Variants in SLCO5A1 observed in about 807,000 individuals in gnomAD.
SLCO5A1 encodes the protein organic anion transporter polypeptide-related protein 4.
Under a neutral mutation model 65.1 loss-of-function variants are expected in SLCO5A1, and 39 were observed. The observed-to-expected ratio is 0.60, with a 90% CI of 0.46 to 0.78. The LOEUF (loss-of-function observed/expected upper bound fraction) is 0.78, where lower values mean the gene tolerates loss of function less well. SLCO5A1 is among the 30% of genes least tolerant of loss of function. The pLI is 0.00. For synonymous variants in SLCO5A1, 438 were observed against 415.7 expected (o/e 1.05, Z -0.65); for missense variants, 1,029 against 1,069.4 (o/e 0.96, Z 0.53).
chr8:69,686,257 T>C (rs1441609812), intron 6 of SLCO5A1, among the ~76,000 whole-genome samples: 1 of 129,824 alleles, frequency 7.7e-6, no homozygotes, highest in African/African-American at 3.2e-5. Context: ...AAGACCTCTT[T>C]AGCAAAATAT....
intron 2 of SLCO5A1, among the ~76,000 whole-genome samples, chr8:69,784,805 G>GAAATAA: frequency 1.3e-5 from 1 of 76,040 alleles, no homozygotes; most frequent in East Asian, 3.3e-4. Flanking sequence ...AAGAAAGAAA[G>GAAATAA]AAAGAAAAAG....
rs1813253771 is a variant in SLCO5A1 at position 69,668,814 on chromosome 8, G to T, written c.*4055C>A. The T allele has an allele frequency of 6.6e-6, 1 of 151,904 alleles. No homozygotes were observed. The highest frequency in any genetic ancestry group is 1.5e-5 in the Non-Finnish European group (1 of 67,990). 9.4% of individuals were successfully genotyped at this position (151,904 alleles called of 1,614,324 possible). A position where few individuals can be genotyped will look rare whatever the true frequency, so the allele number is the denominator to read the frequency against. On this transcript the variant is annotated 3_prime_UTR_variant, in exon 10 of 10. Transcript: ENST00000260126. ...CCATGTAACTCCCCCTTCTCTGAAG[G>T]CTGACATTTCCAAGTGCATGCCACT...
chr8:69,677,938 C>T (rs950847092), intron 8 of SLCO5A1, among the ~76,000 whole-genome samples: 3 of 152,150 alleles, frequency 2.0e-5, no homozygotes, highest in Admixed American at 1.3e-4. Flanking sequence ...CCCTGCACTG[C>T]ACCCCCTAAT....
chr8:69,712,501 A>C (rs1476636814), intron 5 of SLCO5A1, among the ~76,000 whole-genome samples: 2 of 152,220 alleles, frequency 1.3e-5, no homozygotes, highest in African/African-American at 4.8e-5. Flanking sequence ...CATGATTTGG[A>C]GCACAGGAAA....
intron 4 of SLCO5A1, among the ~76,000 whole-genome samples, chr8:69,751,153 A>G (rs1157807467): frequency 6.6e-6 from 1 of 152,234 alleles, no homozygotes; most frequent in East Asian, 1.9e-4. Flanking sequence ...AGAAAGTAAA[A>G]TCATTCTTAT....
chr8:69,826,541 C>T lies in SLCO5A1; in HGVS notation c.907+5226G>A, dbSNP rs1393334688. On this transcript the variant is annotated intron_variant, in intron 2 of 9. Coordinates refer to ENST00000260126, the MANE Select transcript of SLCO5A1 (RefSeq NM_030958.3). The stretch of plus-strand genomic sequence containing the variant: ...AAACACACGAAAAAATGCTCACCAT[C>T]ACTGGCCATCAGAGAAATGCAAATC... Among the ~76,000 whole-genome samples, 49 of 152,282 alleles carry T rather than the reference C, an allele frequency of 3.2e-4. No homozygotes were observed. In the Middle Eastern group the frequency reaches 0.01, roughly 32 times the overall value.
chr8:69,685,652 G>C (rs1470871174), intron 6 of SLCO5A1, among the ~76,000 whole-genome samples: 1 of 152,068 alleles, frequency 6.6e-6, no homozygotes, highest in Non-Finnish European at 1.5e-5. Flanking sequence ...AAAAATCATG[G>C]AATTACAGAG....
chr8:69,673,308 A>T lies in SLCO5A1; in HGVS notation c.2108T>A (p.Ile703Asn). The T allele has an allele frequency of 6.2e-7, 1 of 1,613,786 alleles. No individual in the cohort carries two copies. The highest frequency in any genetic ancestry group is 8.5e-7 in the Non-Finnish European group (1 of 1,179,702). ...LRTLAYIPTP[I>N]YFGAVIDTTC... ...GGTGTCAATGACTGCTCCAAAGTAG[A>T]TTGGAGTAGGAATGTATGCTAGAGG... Residue 703 changes from isoleucine to asparagine, a missense_variant, in exon 10 of 10, where the codon ATC (isoleucine) becomes AAC (asparagine). Physicochemically the swap from Ile to Asn is moderately radical, Grantham distance 149 (BLOSUM62 -3). Around this residue, in one of 3 missense-constraint regions of SLCO5A1, gnomAD observed 258 missense variants for 237.4 expected, o/e 1.09. Coordinates refer to ENST00000260126, the MANE Select transcript of SLCO5A1 (RefSeq NM_030958.3).
intron 6 of SLCO5A1, among the ~76,000 whole-genome samples, chr8:69,701,153 C>G (rs1395832358): frequency 6.6e-6 from 1 of 152,092 alleles, no homozygotes; most frequent in African/African-American, 2.4e-5. Context: ...TGTTGAGATA[C>G]TTTTTGAGCT....
chr8:69,793,305 A>AT (rs967509996), intron 2 of SLCO5A1, among the ~76,000 whole-genome samples: 17 of 151,806 alleles, frequency 1.1e-4, no homozygotes, highest in African/African-American at 3.1e-4. Context: ...TTTAAATAAT[A>AT]TTTTTTTTCT....
intron 2 of SLCO5A1, among the ~76,000 whole-genome samples, chr8:69,766,095 A>G (rs1162317339): frequency 1.3e-5 from 2 of 152,186 alleles, no homozygotes; most frequent in Non-Finnish European, 2.9e-5. Flanking sequence ...TGGTTCTCCC[A>G]TCAAATTATA....
intron 5 of SLCO5A1, among the ~76,000 whole-genome samples, chr8:69,725,478 T>TGTATGTAC (rs1816022492): frequency 6.6e-6 from 1 of 150,746 alleles, no homozygotes; most frequent in African/African-American, 2.5e-5. Context: ...TATGTATGTA[T>TGTATGTAC]GTATGTATGT....
intron 6 of SLCO5A1, among the ~76,000 whole-genome samples, chr8:69,686,983 G>C (rs528154018): frequency 6.6e-6 from 1 of 152,142 alleles, no homozygotes; most frequent in South Asian, 2.1e-4. Context: ...GGGATTAGGC[G>C]GGTGAATGTA....
chr8:69,820,216 T>G (rs963842395), intron 2 of SLCO5A1, among the ~76,000 whole-genome samples: 2 of 152,192 alleles, frequency 1.3e-5, no homozygotes, highest in African/African-American at 4.8e-5. Context: ...CTCCTCCACT[T>G]TTCCCTTCTT....
chr8:69,762,873 A>G (rs1563708771), intron 2 of SLCO5A1, among the ~76,000 whole-genome samples: 1 of 152,236 alleles, frequency 6.6e-6, no homozygotes, highest in Non-Finnish European at 1.5e-5. Context: ...GGCATGGGTC[A>G]AAAGTTCCAA....
At chr8:69,784,891 A>AAGG (rs1818969746) in intron 2 of SLCO5A1, among the ~76,000 whole-genome samples, 25 of 104,336 alleles carry the variant, frequency 2.4e-4, no homozygotes, top group African/African-American at 5.0e-4. Flanking sequence ...AAGAAAGAAG[A>AAGG]AAGGAAGAAA....
chr8:69,699,228 G>T (rs117770873), intron 6 of SLCO5A1, among the ~76,000 whole-genome samples: 1,810 of 152,258 alleles, frequency 0.012, 22 homozygotes, highest in Non-Finnish European at 0.019. Context: ...CAAAGGCTCT[G>T]GCATAAGAGC....
At chr8:69,676,902 T>G (rs533136897) in intron 8 of SLCO5A1, among the ~76,000 whole-genome samples, 12 of 152,346 alleles carry the variant, frequency 7.9e-5, no homozygotes, top group African/African-American at 2.9e-4. Context: ...TCTAATTGTT[T>G]CTACAAAAAT....
chr8:69,824,730 C>G (rs1820794991), intron 2 of SLCO5A1, among the ~76,000 whole-genome samples: 1 of 152,194 alleles, frequency 6.6e-6, no homozygotes, highest in South Asian at 2.1e-4. Context: ...CCTTCTGAAA[C>G]TCTTCCAATC....
Sources: gnomAD v4.1 joint callset for allele counts (sites outside exome capture counted in the v4.1 genomes callset) on GRCh38, gnomAD v4.1.1 for gene constraint, gnomAD v4.1.1 regional missense constraint, MANE v1.5 for transcripts, NCBI Gene and HGNC (gene_info 2026-07-23, HGNC 2026-07-21) for gene names.